NFIB: variants seen among roughly 807,000 people sequenced by gnomAD.
NFIB encodes nuclear factor 1 B-type.
Under a neutral mutation model 61.5 loss-of-function variants are expected in NFIB, and 11 were observed. The observed-to-expected ratio is 0.18, with a 90% CI of 0.11 to 0.30. The LOEUF (loss-of-function observed/expected upper bound fraction) is 0.30, where lower values mean the gene tolerates loss of function less well. NFIB is among the 10% of genes least tolerant of loss of function. The pLI, the probability that NFIB is intolerant of heterozygous loss-of-function variation, is 1.00. For synonymous variants in NFIB, 260 were observed against 216.5 expected, an observed-to-expected ratio of 1.20 and a Z score of -1.76; for missense variants, 471 against 608.9, an observed-to-expected ratio of 0.77 and a Z score of 2.38.
intron 1 of NFIB, among the ~76,000 whole-genome samples, chr9:14,389,847 A>G (rs1042441951): frequency 8.5e-5 from 13 of 152,232 alleles, no homozygotes; most frequent in African/African-American, 3.1e-4. Context: ...TAACTGATGT[A>G]GCCAGACACA....
chr9:14,328,013 T>C (rs2060775484), intron 1 of NFIB, among the ~76,000 whole-genome samples: 1 of 152,224 alleles, frequency 6.6e-6, no homozygotes, highest in South Asian at 2.1e-4. Flanking sequence ...TGCTTTCTTT[T>C]ACCAACTTTT....
chr9:14,307,694 T>G lies in NFIB; in HGVS notation c.31-174A>C, dbSNP rs1411942953. On this transcript the variant is annotated intron_variant, in intron 1 of 10. Coordinates refer to ENST00000380953, the MANE Select transcript of NFIB (RefSeq NM_001190737.2). This position sits in a 1 kb window ranked among gnomAD's most constrained non-coding sequence, Gnocchi z 5.3. The stretch of plus-strand genomic sequence containing the variant: ...TCAAAATAACAGGACAAGAAGAAAG[T>G]AAAGTATGCCCAGCTGTCCCCTTTC... 6.6e-6 allele frequency among the ~76,000 whole-genome samples: 1 copy of G among 152,096 alleles called. No homozygotes were observed. Among genetic ancestry groups the G allele is most frequent in the South Asian group, 2.1e-4 (1 of 4,828 alleles).
At chr9:14,289,126 A>ATG (rs1734686661) in intron 2 of NFIB, among the ~76,000 whole-genome samples, 1 of 142,782 alleles carries the variant, frequency 7.0e-6, no homozygotes, top group Non-Finnish European at 1.5e-5. Context: ...GTATATGTAT[A>ATG]TATATATATA....
chr9:14,490,581 C>T, the NFIB span, among the ~76,000 whole-genome samples: 2 of 151,992 alleles, frequency 1.3e-5, no homozygotes, highest in African/African-American at 4.8e-5. Flanking sequence ...ATTCAGACTA[C>T]ATAAACAGTT....
chr9:14,343,435 G>GT (rs1255872320), intron 1 of NFIB, among the ~76,000 whole-genome samples: 2 of 152,056 alleles, frequency 1.3e-5, no homozygotes, highest in African/African-American at 2.4e-5. Flanking sequence ...ACGTGGCCAG[G>GT]TTTTCCCTGT....
intron 2 of NFIB, among the ~76,000 whole-genome samples, chr9:14,208,117 G>A (rs2049934517): frequency 6.6e-6 from 1 of 152,166 alleles, no homozygotes; most frequent in South Asian, 2.1e-4. Flanking sequence ...AGTCATTTTA[G>A]AATCATCTTT....
At position 14,138,901 on chromosome 9, in the gene NFIB, TG is replaced by T. The variant is rs200764333; in HGVS notation, c.925+7787del. Among the ~76,000 whole-genome samples, 981 of 152,264 alleles carry T rather than the reference TG, an allele frequency of 6.4e-3. 30 individuals carry two copies. The highest frequency in any genetic ancestry group is 0.04 in the Admixed American group (616 of 15,280). ...TAATAATAGTTGATTTATGTGTGTG[TG>T]TGTGTGTGTATGTATATGTAAAATT... is the stretch of plus-strand genomic sequence containing the variant. On this transcript the variant is annotated intron_variant, in intron 6 of 10. Transcript: ENST00000380953.
Position 14,170,402 on chromosome 9 carries a change from G to A in NFIB, c.616+9325C>T, listed in dbSNP as rs558041103. On this transcript the variant is annotated intron_variant, in intron 3 of 10. Coordinates refer to ENST00000380953, the MANE Select transcript of NFIB (RefSeq NM_001190737.2). Reference sequence around the variant, plus strand: ...CATGCTTATAATCCCAACACTTTGGGAGGCTGAGGTGGGAGGATCACTTCA... The same window carrying A: ...CATGCTTATAATCCCAACACTTTGGAAGGCTGAGGTGGGAGGATCACTTCA... Among the ~76,000 whole-genome samples, 3 of 152,296 alleles carry A rather than the reference G, an allele frequency of 2.0e-5. No homozygotes were observed. In the East Asian group the frequency reaches 5.8e-4, roughly 29 times the overall value.
intron 1 of NFIB, among the ~76,000 whole-genome samples, chr9:14,380,623 A>T (rs563234311): frequency 3.3e-5 from 5 of 152,076 alleles, no homozygotes; most frequent in Non-Finnish European, 5.9e-5. Flanking sequence ...TAATAAATCC[A>T]AAAAAAATGT....
intron 9 of NFIB, among the ~76,000 whole-genome samples, chr9:14,114,963 C>T (rs2037905697): frequency 6.6e-6 from 1 of 152,106 alleles, no homozygotes; most frequent in African/African-American, 2.4e-5. Flanking sequence ...ACCTCTAGAA[C>T]AAAATAATTT....
chr9:14,178,910 T>C (rs1417839098), intron 3 of NFIB, among the ~76,000 whole-genome samples: 1 of 152,126 alleles, frequency 6.6e-6, no homozygotes, highest in Non-Finnish European at 1.5e-5. Flanking sequence ...CAGATGAGAT[T>C]GTTTGGGGAG....
intron 1 of NFIB, among the ~76,000 whole-genome samples, chr9:14,389,965 G>T (rs765159087): frequency 6.6e-6 from 1 of 152,258 alleles, no homozygotes; most frequent in Middle Eastern, 3.4e-3. Flanking sequence ...CGGAAAAATC[G>T]CTTTCAGACC....
At chr9:14,452,878 G>A in the NFIB span, among the ~76,000 whole-genome samples, 1 of 152,314 alleles carries the variant, frequency 6.6e-6, no homozygotes, top group East Asian at 1.9e-4. Context: ...CTATTAGTTT[G>A]GACCACACAT....
At chr9:14,512,934 A>G in the NFIB span, among the ~76,000 whole-genome samples, 1 of 15,254 alleles carries the variant, frequency 6.6e-5, no homozygotes, top group Admixed American at 9.2e-4. Context: ...AAAGCTTTTG[A>G]AAAAAAAAAA....
At chr9:14,177,825 A>T (rs985697924) in intron 3 of NFIB, among the ~76,000 whole-genome samples, 22 of 152,162 alleles carry the variant, frequency 1.4e-4, no homozygotes, top group Admixed American at 5.2e-4. Context: ...GTTATATGCA[A>T]ACAGAGAAAT....
intron 10 of NFIB, 60 bp downstream of exon 10, chr9:14,112,939 T>C (rs2037597256): frequency 6.7e-7 from 1 of 1,497,986 alleles, no homozygotes; most frequent in Non-Finnish European, 9.1e-7. Context: ...AGAGGCAACA[T>C]GGAGAAGCAC....
At chr9:14,234,940 C>T (rs556114495) in intron 2 of NFIB, among the ~76,000 whole-genome samples, 3 of 151,978 alleles carry the variant, frequency 2.0e-5, no homozygotes, top group African/African-American at 4.8e-5. Flanking sequence ...CACATATGCT[C>T]ATTTGGTCTT....
the NFIB span, among the ~76,000 whole-genome samples, chr9:14,433,049 G>C: frequency 9.2e-5 from 14 of 152,002 alleles, no homozygotes; most frequent in Admixed American, 5.9e-4. Context: ...GGGGTTAGGG[G>C]CATTAAAAAA....
chr9:14,483,415 G>T, the NFIB span, among the ~76,000 whole-genome samples: 2 of 152,124 alleles, frequency 1.3e-5, no homozygotes, highest in East Asian at 3.9e-4. Context: ...TGCTTGGTGA[G>T]GAGGACAAAA....
Sources: gnomAD v4.1 joint callset for allele counts (sites outside exome capture counted in the v4.1 genomes callset) on GRCh38, gnomAD v4.1.1 for gene constraint, Gnocchi (gnomAD v3.1) non-coding constraint, MANE v1.5 for transcripts, NCBI Gene and HGNC (gene_info 2026-07-23, HGNC 2026-07-21) for gene names.